The following PRKCE variants were observed in gnomAD, a reference collection of about 807,000 sequenced individuals.
The protein encoded by PRKCE is protein kinase C epsilon type.
Under a neutral mutation model 85.4 loss-of-function variants are expected in PRKCE, and 16 were observed. The observed-to-expected ratio is 0.19, with a 90% CI of 0.13 to 0.28. The LOEUF is 0.28. PRKCE is among the 10% of genes least tolerant of loss of function. The pLI, the probability that PRKCE is intolerant of heterozygous loss-of-function variation, is 1.00. For synonymous variants in PRKCE, 388 were observed against 371.5 expected (o/e 1.04, Z -0.51); for missense variants, 573 against 975.2 (o/e 0.59, Z 5.49).
At chr2:45,859,326 G>T (rs572625373) in intron 2 of PRKCE, among the ~76,000 whole-genome samples, 1 of 152,096 alleles carries the variant, frequency 6.6e-6, no homozygotes, top group African/African-American at 2.4e-5. Context: ...AGTTTCTCTA[G>T]ATTATTTACC....
chr2:45,904,958 G>A (rs1212937834), intron 2 of PRKCE, among the ~76,000 whole-genome samples: 2 of 152,212 alleles, frequency 1.3e-5, no homozygotes, highest in South Asian at 2.1e-4. Context: ...CCCGGGCGTG[G>A]ACCATGGAGA....
Position 45,996,444 on chromosome 2 carries a change from T to C in PRKCE, c.824-4960T>C, listed in dbSNP as rs549445384. ...GGGAGCATCCTTTTTGTGTTCCTGA[T>C]CTTAGTATGAAATTGGCTGTAGGGT... On this transcript the variant is annotated intron_variant, in intron 6 of 14. Transcript: ENST00000306156. Among the ~76,000 whole-genome samples, 3 of 152,310 alleles carry C rather than the reference T, an allele frequency of 2.0e-5. No homozygotes were observed. In the South Asian group the frequency reaches 6.2e-4, roughly 32 times the overall value.
At chr2:46,063,630 T>C (rs1667353204) in intron 10 of PRKCE, among the ~76,000 whole-genome samples, 1 of 152,142 alleles carries the variant, frequency 6.6e-6, no homozygotes, top group Non-Finnish European at 1.5e-5. Flanking sequence ...TCCCTTGTAT[T>C]TGAAAATGGA....
intron 10 of PRKCE, among the ~76,000 whole-genome samples, chr2:46,084,686 C>T (rs1175192451): frequency 1.4e-5 from 2 of 143,198 alleles, no homozygotes; most frequent in Non-Finnish European, 3.0e-5. Flanking sequence ...CGCACCACTG[C>T]ACTCCAGCCT....
chr2:46,102,350 A>G (rs1022689825), intron 11 of PRKCE, among the ~76,000 whole-genome samples: 23 of 152,206 alleles, frequency 1.5e-4, no homozygotes, highest in African/African-American at 4.8e-4. Flanking sequence ...GTCAAAGTTC[A>G]ATAAATTTCA....
At chr2:46,130,600 A>T (rs1366099571) in intron 11 of PRKCE, among the ~76,000 whole-genome samples, 1 of 152,232 alleles carries the variant, frequency 6.6e-6, no homozygotes, top group Non-Finnish European at 1.5e-5. Flanking sequence ...TTTATTTGTC[A>T]TAGATCTGAA....
chr2:46,180,864 C>A (rs536930060), intron 14 of PRKCE, among the ~76,000 whole-genome samples: 1 of 152,200 alleles, frequency 6.6e-6, no homozygotes, highest in Admixed American at 6.5e-5. Context: ...TGAGCTCAGC[C>A]GGTGATCTTC....
rs1365786505 is a variant in PRKCE, at chr2:46,186,672, G to A, written c.*1791G>A. 1 of 152,528 alleles carries A rather than the reference G, an allele frequency of 6.6e-6. No homozygotes were observed. The highest frequency in any genetic ancestry group is 1.5e-5 in the Non-Finnish European group (1 of 68,034). 9.4% of individuals were successfully genotyped at this position (152,528 alleles called of 1,614,324 possible). A position where few individuals can be genotyped will look rare whatever the true frequency, so the allele number is the denominator to read the frequency against. ...TAAGCTATATTAAATCTCACATACA[G>A]TTCTTCTGTGCTCTATTATACCCTG... is the stretch of plus-strand genomic sequence containing the variant. On this transcript the variant is annotated 3_prime_UTR_variant, in exon 15 of 15. Coordinates refer to ENST00000306156, the MANE Select transcript of PRKCE (RefSeq NM_005400.3).
chr2:45,917,749 G>C (rs373513676), intron 2 of PRKCE, among the ~76,000 whole-genome samples: 1 of 152,168 alleles, frequency 6.6e-6, no homozygotes, highest in Non-Finnish European at 1.5e-5. Context: ...GGCTCCGGCC[G>C]CACGGGAGCT....
At chr2:45,920,669 T>A (rs1331891646) in intron 2 of PRKCE, among the ~76,000 whole-genome samples, 2 of 152,026 alleles carry the variant, frequency 1.3e-5, no homozygotes, top group Non-Finnish European at 2.9e-5. Context: ...ATATGAAATG[T>A]CCAGAACAGG....
chr2:45,703,105 C>T (rs1280511701), intron 1 of PRKCE, among the ~76,000 whole-genome samples: 1 of 136,874 alleles, frequency 7.3e-6, no homozygotes, highest in Non-Finnish European at 1.6e-5. Context: ...AACACATGGT[C>T]CTCAGCTTCT....
At chr2:45,875,115 G>A (rs902253157) in intron 2 of PRKCE, among the ~76,000 whole-genome samples, 1 of 152,182 alleles carries the variant, frequency 6.6e-6, no homozygotes, top group Non-Finnish European at 1.5e-5. Context: ...AGGAATAGAG[G>A]TTGTGAATGG....
At chr2:46,161,193 C>T (rs1382029924) in intron 14 of PRKCE, among the ~76,000 whole-genome samples, 1 of 152,236 alleles carries the variant, frequency 6.6e-6, no homozygotes, top group East Asian at 1.9e-4. Flanking sequence ...CAGCCTGCCC[C>T]ATTGCTGGGG....
chr2:45,826,105 C>G (rs1689921353), intron 1 of PRKCE, among the ~76,000 whole-genome samples: 1 of 152,118 alleles, frequency 6.6e-6, no homozygotes, highest in Non-Finnish European at 1.5e-5. Flanking sequence ...CAGTAGAAGT[C>G]AGGCCTTTGC....
chr2:45,688,815 G>A (rs185086556), intron 1 of PRKCE, among the ~76,000 whole-genome samples: 1 of 152,316 alleles, frequency 6.6e-6, no homozygotes, highest in East Asian at 1.9e-4. Flanking sequence ...TTTATCAATT[G>A]CACCTACTGC....
intron 1 of PRKCE, among the ~76,000 whole-genome samples, chr2:45,744,301 C>T (rs1404603246): frequency 3.3e-5 from 5 of 152,084 alleles, no homozygotes; most frequent in Non-Finnish European, 7.4e-5. Flanking sequence ...GTATTGTTTT[C>T]CAAAAAATTT....
chr2:45,690,911 C>T (rs1029264471), intron 1 of PRKCE, among the ~76,000 whole-genome samples: 1 of 152,210 alleles, frequency 6.6e-6, no homozygotes, highest in Non-Finnish European at 1.5e-5. Context: ...GCAGATACAG[C>T]ACATACCTTA....
rs558082354 is a variant in PRKCE at position 46,172,045 on chromosome 2, G to T, written c.2067+12293G>T. ...CGTCCCTTGAGTGGCCTCAGGAATG[G>T]TTTCAGAGCTCACGTGCAGCATCCT... On this transcript the variant is annotated intron_variant, in intron 14 of 14. Coordinates refer to ENST00000306156, the MANE Select transcript of PRKCE (RefSeq NM_005400.3). 3.9e-5 allele frequency among the ~76,000 whole-genome samples: 6 copies of T among 152,336 alleles called. No individual in the cohort carries two copies. The South Asian group carries it at 1.2e-3, about 32-fold the overall frequency.
At chr2:45,821,966 G>A (rs7558536) in intron 1 of PRKCE, among the ~76,000 whole-genome samples, 5,717 of 152,238 alleles carry the variant, frequency 0.038, 356 homozygotes, top group African/African-American at 0.13. Flanking sequence ...AGCTTACAGT[G>A]AAGGGCTTGA....
Sources: gnomAD v4.1 joint callset for allele counts (sites outside exome capture counted in the v4.1 genomes callset) on GRCh38, gnomAD v4.1.1 for gene constraint, MANE v1.5 for transcripts, NCBI Gene and HGNC (gene_info 2026-07-23, HGNC 2026-07-21) for gene names.